Variants in B4GALT6 observed in about 807,000 individuals in gnomAD.
B4GALT6 encodes the protein beta-1,4-galactosyltransferase 6, also known as UDP-Gal:beta-GlcNAc beta-1,4-galactosyltransferase 6.
Under a neutral mutation model 46.3 loss-of-function variants are expected in B4GALT6, and 14 were observed. That is an observed-to-expected ratio of 0.30 (90% CI 0.20 to 0.47). The LOEUF is 0.47. B4GALT6 is among the 20% of genes least tolerant of loss of function. B4GALT6 has a pLI of 0.99. For missense variants in B4GALT6, 386 were observed against 480.1 expected, an observed-to-expected ratio of 0.80 and a Z score of 1.83; for synonymous variants, 168 against 162.0, an observed-to-expected ratio of 1.04 and a Z score of -0.28.
chr18:31,701,097 T>C, the B4GALT6 span, among the ~76,000 whole-genome samples: 1 of 152,214 alleles, frequency 6.6e-6, no homozygotes, highest in Non-Finnish European at 1.5e-5. Context: ...TGGATCTGTG[T>C]TCCTGCCCAC....
chr18:31,624,912 A>G lies in B4GALT6; in HGVS notation c.*702T>C, dbSNP rs1320568586. On this transcript the variant is annotated 3_prime_UTR_variant, in exon 9 of 9. Transcript: ENST00000306851. The stretch of plus-strand genomic sequence containing the variant: ...AACAATATGGTTGTGATTTCTAGCA[A>G]AATCAGATGAGATTGCAAGCAAGGA... 6.5e-6 allele frequency: 1 copy of G among 152,674 alleles called. No homozygotes were observed. Among genetic ancestry groups the G allele is most frequent in the Non-Finnish European group, 1.5e-5 (1 of 68,036 alleles). 9.5% of individuals were successfully genotyped at this position (152,674 alleles called of 1,614,324 possible). A position where few individuals can be genotyped will look rare whatever the true frequency, so the allele number is the denominator to read the frequency against.
chr18:31,625,121 G>T lies in B4GALT6; in HGVS notation c.*493C>A, dbSNP rs1423435332. ...GACAGTTCCTTCATTTCACACAAGG[G>T]TTAACCTTTGTTTAGTGATGTAAAT... On this transcript the variant is annotated 3_prime_UTR_variant, in exon 9 of 9. Transcript: ENST00000306851. 6.5e-6 allele frequency: 1 copy of T among 153,022 alleles called. No homozygotes were observed. 9.5% of individuals were successfully genotyped at this position (153,022 alleles called of 1,614,324 possible).
At chr18:31,691,142 TTAAAG>T in the B4GALT6 span, among the ~76,000 whole-genome samples, 1 of 152,004 alleles carries the variant, frequency 6.6e-6, no homozygotes. Context: ...ATCCCAGAAC[TTAAAG>T]TAAAATCTTT....
At chr18:31,716,916 A>T in the B4GALT6 span, among the ~76,000 whole-genome samples, 1 of 152,098 alleles carries the variant, frequency 6.6e-6, no homozygotes, top group Non-Finnish European at 1.5e-5. Context: ...CCCGGCCAAC[A>T]TGGTGAAACC....
In B4GALT6 at chr18:31,641,867, C is replaced by A. The variant is rs1290398177; in HGVS notation, c.472-3107G>T. 2.0e-5 allele frequency among the ~76,000 whole-genome samples: 3 copies of A among 152,136 alleles called. No individual in the cohort carries two copies. In the East Asian group the frequency reaches 5.8e-4, roughly 29 times the overall value. On this transcript the variant is annotated intron_variant, in intron 4 of 8. Coordinates refer to ENST00000306851, the MANE Select transcript of B4GALT6 (RefSeq NM_004775.5). ...GGAGAACATCAAGAAAAATGTGTATCACATCAATTTCTCCCACCAAGTTTC... is the reference window on the plus strand; with the variant it reads ...GGAGAACATCAAGAAAAATGTGTATAACATCAATTTCTCCCACCAAGTTTC...
chr18:31,625,776 GAAAAAAC>G lies in B4GALT6; in HGVS notation c.1002-22_1002-16del. ...GTAATTTATACCTATAGTTTTAGAGGAAAAAACAAAAAAGCAACAAAACATGTTCAAA... is the reference window on the plus strand; with the variant it reads ...GTAATTTATACCTATAGTTTTAGAGGAAAAAAGCAACAAAACATGTTCAAA... On this transcript the variant is annotated splice_polypyrimidine_tract_variant and intron_variant, in intron 8 of 8. Transcript: ENST00000306851. 6.4e-7 allele frequency: 1 copy of G among 1,553,024 alleles called. No homozygotes were observed. Among genetic ancestry groups the G allele is most frequent in the Non-Finnish European group, 8.6e-7 (1 of 1,158,012 alleles).
the B4GALT6 span, among the ~76,000 whole-genome samples, chr18:31,704,623 TA>T: frequency 2.0e-5 from 3 of 152,128 alleles, no homozygotes; most frequent in African/African-American, 7.2e-5. Flanking sequence ...TTTCTAAGAG[TA>T]ATGATGGGTT....
the B4GALT6 span, among the ~76,000 whole-genome samples, chr18:31,697,571 G>C: frequency 3.3e-5 from 5 of 152,020 alleles, no homozygotes; most frequent in Non-Finnish European, 7.4e-5. Context: ...TTATCTCTCC[G>C]GGTTAGTTTA....
the B4GALT6 span, among the ~76,000 whole-genome samples, chr18:31,723,103 A>G: frequency 7.2e-5 from 11 of 152,352 alleles, no homozygotes; most frequent in African/African-American, 1.7e-4. Flanking sequence ...AAATTTAAAC[A>G]TATAATTTAG....
At chr18:31,685,389 C>G (rs2074535195), upstream of B4GALT6, among the ~76,000 whole-genome samples, 1 of 151,450 alleles carries the variant, frequency 6.6e-6, no homozygotes, top group Non-Finnish European at 1.5e-5. Flanking sequence ...CGTGAAGGGG[C>G]GGGGGAGCCG....
chr18:31,723,838 C>T, the B4GALT6 span, among the ~76,000 whole-genome samples: 2 of 152,180 alleles, frequency 1.3e-5, no homozygotes, highest in Non-Finnish European at 2.9e-5. Flanking sequence ...AAGCATCTCT[C>T]GGATTTCAGC....
rs564651776 is a variant in B4GALT6 at position 31,630,725 on chromosome 18, A to G, written c.776+234T>C. 1.4e-4 allele frequency among the ~76,000 whole-genome samples: 21 copies of G among 152,264 alleles called. No homozygotes were observed. The South Asian group carries it at 4.4e-3, about 32-fold the overall frequency. On this transcript the variant is annotated intron_variant, in intron 6 of 8. Coordinates refer to ENST00000306851, the MANE Select transcript of B4GALT6 (RefSeq NM_004775.5). ...TAAATCTGTGTGTGCTTGACCACAG[A>G]AACCAGGCTCTCTTTCCCACCACAC...
At chr18:31,651,937 A>T (rs1186068851) in intron 3 of B4GALT6, among the ~76,000 whole-genome samples, 4 of 151,756 alleles carry the variant, frequency 2.6e-5, no homozygotes, top group Non-Finnish European at 4.4e-5. Flanking sequence ...CGCCCAGCTA[A>T]TTTTTTTTAT....
chr18:31,668,315 G>C (rs2074306907), intron 1 of B4GALT6, among the ~76,000 whole-genome samples: 1 of 152,106 alleles, frequency 6.6e-6, no homozygotes, highest in Admixed American at 6.5e-5. Flanking sequence ...CTACAAGAGG[G>C]AGGGACAAAG....
intron 1 of B4GALT6, among the ~76,000 whole-genome samples, chr18:31,672,909 A>C (rs955758054): frequency 6.6e-6 from 1 of 152,208 alleles, no homozygotes; most frequent in African/African-American, 2.4e-5. Flanking sequence ...TTAAGACAGC[A>C]GCTTCAGGAA....
intron 2 of B4GALT6, 54 bp from the exon 3 acceptor site, chr18:31,658,143 C>A: frequency 7.7e-7 from 1 of 1,303,368 alleles, no homozygotes; most frequent in South Asian, 1.3e-5. Context: ...TTTGCTTTCT[C>A]CCTGGAATGA....
At chr18:31,680,989 GA>G (rs1179194095) in intron 1 of B4GALT6, among the ~76,000 whole-genome samples, 8 of 152,234 alleles carry the variant, frequency 5.3e-5, no homozygotes, top group East Asian at 3.9e-4. Context: ...TTCTCCTCTG[GA>G]AATCCTTAAC....
intron 3 of B4GALT6, among the ~76,000 whole-genome samples, chr18:31,651,016 T>C (rs1225130918): frequency 6.6e-6 from 1 of 152,128 alleles, no homozygotes; most frequent in African/African-American, 2.4e-5. Flanking sequence ...TCCACCCACC[T>C]CGGCCTCCCA....
At chr18:31,659,381 G>A (rs1422018986) in intron 2 of B4GALT6, among the ~76,000 whole-genome samples, 1 of 152,122 alleles carries the variant, frequency 6.6e-6, no homozygotes, top group African/African-American at 2.4e-5. Flanking sequence ...AGTTGGTGGG[G>A]ATGCTGCCTA....
Sources: allele counts gnomAD v4.1 joint callset (sites outside exome capture counted in the v4.1 genomes callset), GRCh38; gene constraint gnomAD v4.1.1; transcripts MANE v1.5; gene names NCBI Gene and HGNC (gene_info 2026-07-23, HGNC 2026-07-21).